WDPCP: variants seen among roughly 807,000 people sequenced by gnomAD.
WDPCP encodes the protein WD repeat-containing and planar cell polarity effector protein fritz homolog.
A neutral mutation model predicts 93.1 loss-of-function variants in WDPCP; 71 were observed. The observed-to-expected ratio is 0.76, with a 90% CI of 0.63 to 0.93. The LOEUF (loss-of-function observed/expected upper bound fraction) is 0.93, where lower values mean the gene tolerates loss of function less well. WDPCP is among the 40% of genes least tolerant of loss of function. The probability of loss-of-function intolerance (pLI) is 0.00; values close to 1 mark genes in which losing one functional copy is unlikely to be tolerated. For missense variants in WDPCP, 844 were observed against 887.4 expected, an observed-to-expected ratio of 0.95 and a Z score of 0.62; for synonymous variants, 315 against 315.0, an observed-to-expected ratio of 1.00 and a Z score of 0.00.
At chr2:63,213,834 C>A (rs1173668899) in intron 14 of WDPCP, among the ~76,000 whole-genome samples, 1 of 152,072 alleles carries the variant, frequency 6.6e-6, no homozygotes, top group Non-Finnish European at 1.5e-5. Context: ...TCAGAGAATA[C>A]TATGAACACC....
At chr2:63,824,446 G>A (rs1188438561) in intron 1 of WDPCP, among the ~76,000 whole-genome samples, 1 of 148,734 alleles carries the variant, frequency 6.7e-6, no homozygotes, top group Non-Finnish European at 1.5e-5. Flanking sequence ...TACTTGGGAA[G>A]CTGAAGTGGG....
At chr2:63,410,070 T>C (rs749212834) in intron 9 of WDPCP, among the ~76,000 whole-genome samples, 8 of 152,156 alleles carry the variant, frequency 5.3e-5, no homozygotes, top group Non-Finnish European at 8.8e-5. Flanking sequence ...CTTAGGCACA[T>C]TGTCATCAGG....
At chr2:63,644,765 A>T (rs1710029306) in intron 3 of WDPCP, among the ~76,000 whole-genome samples, 1 of 151,848 alleles carries the variant, frequency 6.6e-6, no homozygotes, top group Non-Finnish European at 1.5e-5. Flanking sequence ...AAATTTGTCC[A>T]TTTCTTCTAG....
chr2:63,229,530 T>C (rs904560623), intron 14 of WDPCP: 2 of 152,172 alleles, frequency 1.3e-5, no homozygotes, highest in African/African-American at 2.4e-5. Flanking sequence ...CTGAATGGTA[T>C]TGCCTAGGTT....
chr2:63,575,463 A>ATACAGCG lies in WDPCP; in HGVS notation c.75+12733_75+12734insCGCTGTA, dbSNP rs1248571874. Among the ~76,000 whole-genome samples the ATACAGCG allele has an allele frequency of 9.3e-4, 27 of 29,136 alleles. 5 individuals carry two copies. The highest frequency in any genetic ancestry group is 3.6e-3 in the South Asian group (2 of 550). The allele number at this position is 29,136 out of a possible 152,430, so 19.1% of individuals were successfully genotyped here. A position where few individuals can be genotyped will look rare whatever the true frequency, so the allele number is the denominator to read the frequency against. ...AGTGTATACACTGTATATACAGTATATATGCAGTATATACAGTGTATATAT... is the reference window on the plus strand; with the variant it reads ...AGTGTATACACTGTATATACAGTATATACAGCGTATGCAGTATATACAGTGTATATAT... On this transcript the variant is annotated intron_variant, in intron 1 of 17. Coordinates refer to ENST00000272321, the MANE Select transcript of WDPCP (RefSeq NM_015910.7).
At chr2:63,626,825 TG>T (rs1709815450) in intron 3 of WDPCP, among the ~76,000 whole-genome samples, 1 of 151,958 alleles carries the variant, frequency 6.6e-6, no homozygotes, top group South Asian at 2.1e-4. Context: ...GGGTCTGCCA[TG>T]GGGTGCAAGG....
chr2:63,276,783 TAA>T (rs2104901832), intron 13 of WDPCP, among the ~76,000 whole-genome samples: 1 of 152,326 alleles, frequency 6.6e-6, no homozygotes, highest in South Asian at 2.1e-4. Flanking sequence ...AAGAGAAATC[TAA>T]AAGTCTGGAA....
chr2:63,407,582 C>G (rs937571585), intron 9 of WDPCP, among the ~76,000 whole-genome samples: 35 of 152,184 alleles, frequency 2.3e-4, no homozygotes, highest in Non-Finnish European at 5.9e-5. Flanking sequence ...CCACAGTCTT[C>G]ACCTACACAC....
chr2:63,653,258 G>A (rs558003668), intron 2 of WDPCP, among the ~76,000 whole-genome samples: 3 of 152,176 alleles, frequency 2.0e-5, no homozygotes, highest in Admixed American at 6.5e-5. Context: ...AACTTTATGA[G>A]GTGGAACAAA....
intron 10 of WDPCP, among the ~76,000 whole-genome samples, chr2:63,399,578 T>TGAGAGA (rs3835750): frequency 1.8e-5 from 2 of 108,576 alleles, no homozygotes; most frequent in Non-Finnish European, 3.6e-5. Context: ...AAGGAGAGAT[T>TGAGAGA]GAGAGAGAGA....
chr2:63,199,972 A>C (rs1035265332), intron 14 of WDPCP, among the ~76,000 whole-genome samples: 2 of 152,230 alleles, frequency 1.3e-5, no homozygotes, highest in Non-Finnish European at 2.9e-5. Flanking sequence ...TGCTTGCATC[A>C]GCATGTGCTT....
chr2:63,562,960 C>CA (rs1046552458), intron 1 of WDPCP, among the ~76,000 whole-genome samples: 3 of 152,106 alleles, frequency 2.0e-5, no homozygotes, highest in African/African-American at 7.2e-5. Context: ...GAGATGTGGA[C>CA]ACTAGTGTGC....
upstream of WDPCP, among the ~76,000 whole-genome samples, chr2:63,829,238 A>C (rs1428282502): frequency 6.6e-6 from 1 of 152,134 alleles, no homozygotes; most frequent in Admixed American, 6.6e-5. Flanking sequence ...TACTGTCTTT[A>C]CTAGTGCAAT....
rs1252933955 is a variant in WDPCP, at chr2:63,622,179, A to G, written n.488+28480T>C. ...GCTGTGGTGGTGGTGGGCTGGCTAC[A>G]CAAACTGTTGCTGCTGCTGCTGCTT... On this transcript the variant is annotated intron_variant and non_coding_transcript_variant, in intron 3 of 4. Coordinates refer to the WDPCP transcript ENST00000467687. 3 of 1,583,184 alleles carry G rather than the reference A, an allele frequency of 1.9e-6. No homozygotes were observed. In the South Asian group the frequency reaches 3.4e-5, roughly 18 times the overall value.
chr2:63,466,052 C>T (rs1399496675), intron 6 of WDPCP, among the ~76,000 whole-genome samples: 1 of 152,056 alleles, frequency 6.6e-6, no homozygotes. Context: ...TCAGATAAAA[C>T]AAGGGACTGT....
In WDPCP at chr2:63,492,904, A is replaced by G; in HGVS notation, c.112T>C (p.Leu38=). 1 of 1,613,692 alleles carries G rather than the reference A, an allele frequency of 6.2e-7. No individual in the cohort carries two copies. The highest frequency in any genetic ancestry group is 8.5e-7 in the Non-Finnish European group (1 of 1,179,904). The change falls in exon 2 of 18, where the codon TTG becomes CTG. Residue 38 remains leucine (L), a synonymous_variant. Coordinates refer to ENST00000272321, the MANE Select transcript of WDPCP (RefSeq NM_015910.7). ...AAAGACCACAGGTGCAGTTCAGTCA[A>G]GCAGAAAGACATCTGATGGCAGAAG... ...DSFCHQMSFC[L]TELHLWSLKN...
intron 1 of WDPCP, among the ~76,000 whole-genome samples, chr2:63,575,678 C>A (rs1340455575): frequency 6.7e-6 from 1 of 149,562 alleles, no homozygotes; most frequent in Non-Finnish European, 1.5e-5. Context: ...ATTTACTATA[C>A]AGTATACTGT....
Position 63,746,621 on chromosome 2 carries a change from C to G in WDPCP, n.308+67001G>C, listed in dbSNP as rs530737563. Reference sequence around the variant, plus strand: ...AGGGGGGGCCTCTAAAATGGCCACCCTGGGAGTGTCTGCCTTATGCAGATG... The same window carrying G: ...AGGGGGGGCCTCTAAAATGGCCACCGTGGGAGTGTCTGCCTTATGCAGATG... On this transcript the variant is annotated intron_variant and non_coding_transcript_variant, in intron 2 of 4. Coordinates refer to the WDPCP transcript ENST00000467687. Among the ~76,000 whole-genome samples the G allele has an allele frequency of 4.6e-4, 70 of 152,202 alleles. 1 individual carries two copies. The highest frequency in any genetic ancestry group is 1.6e-3 in the African/African-American group (66 of 41,556).
At chr2:63,538,823 G>A (rs890295172) in intron 1 of WDPCP, among the ~76,000 whole-genome samples, 2 of 152,138 alleles carry the variant, frequency 1.3e-5, no homozygotes, top group African/African-American at 4.8e-5. Flanking sequence ...TAGTCTGATA[G>A]AATTTCATTA....
Sources: allele counts gnomAD v4.1 joint callset (sites outside exome capture counted in the v4.1 genomes callset), GRCh38; gene constraint gnomAD v4.1.1; transcripts MANE v1.5; gene names NCBI Gene and HGNC (gene_info 2026-07-23, HGNC 2026-07-21).